Variants in TLE1 observed in about 807,000 individuals in gnomAD.
TLE1 encodes the protein TLE family member 1, transcriptional corepressor, also known as transducin-like enhancer protein 1.
TLE1 carries 21 observed loss-of-function variants against 89.8 expected under a neutral mutation model. That is an observed-to-expected ratio of 0.23 (90% confidence interval 0.17 to 0.34). TLE1 has a LOEUF of 0.34. TLE1 is among the 10% of genes least tolerant of loss of function. TLE1 has a pLI of 1.00. For missense variants in TLE1, 795 were observed against 1,031.2 expected (o/e 0.77, Z 3.14); for synonymous variants, 447 against 407.6 (o/e 1.10, Z -1.16).
chr9:81,636,109 G>A (rs1827325469), intron 6 of TLE1, among the ~76,000 whole-genome samples: 2 of 152,122 alleles, frequency 1.3e-5, no homozygotes, highest in Admixed American at 1.3e-4. Context: ...AGGGGATGAG[G>A]TCAGAACAGG....
At chr9:81,604,628 G>A (rs1463372980) in intron 14 of TLE1, among the ~76,000 whole-genome samples, 3 of 152,234 alleles carry the variant, frequency 2.0e-5, no homozygotes, top group South Asian at 2.1e-4. Context: ...GGACACGCAC[G>A]GTCAGAGGCA....
intron 14 of TLE1, among the ~76,000 whole-genome samples, chr9:81,609,731 C>A (rs1823456943): frequency 6.6e-6 from 1 of 152,128 alleles, no homozygotes; most frequent in Admixed American, 6.5e-5. Flanking sequence ...TCCAACACAA[C>A]CTACCCTTCA....
chr9:81,601,912 T>C (rs1242171689), intron 14 of TLE1, among the ~76,000 whole-genome samples: 2 of 152,182 alleles, frequency 1.3e-5, no homozygotes, highest in Non-Finnish European at 2.9e-5. Context: ...CCTGGGTATC[T>C]ATGCTCAAGG....
chr9:81,644,103 G>A (rs1457081331), intron 6 of TLE1, among the ~76,000 whole-genome samples: 2 of 152,216 alleles, frequency 1.3e-5, no homozygotes, highest in African/African-American at 2.4e-5. Flanking sequence ...AAATGCCAGA[G>A]ATCATGTAGA....
In TLE1 at chr9:81,685,784, T is replaced by C. The variant is rs1834192062; in HGVS notation, c.189+49A>G. The C allele has an allele frequency of 2.5e-6, 4 of 1,612,488 alleles. No homozygotes were observed. The Admixed American group carries it at 6.7e-5, about 27-fold the overall frequency. On this transcript the variant is annotated intron_variant, in intron 3 of 19. Transcript: ENST00000376499. Reference sequence around the variant, plus strand: ...ATGTTTTTTACACTCTGCTAACACGTTTGCTAATATCATATGAAAAAGGAA... The same window carrying C: ...ATGTTTTTTACACTCTGCTAACACGCTTGCTAATATCATATGAAAAAGGAA...
chr9:81,611,892 G>T lies in TLE1; in HGVS notation c.1131C>A (p.His377Gln). 1 of 1,538,864 alleles carries T rather than the reference G, an allele frequency of 6.5e-7. No individual in the cohort carries two copies. The highest frequency in any genetic ancestry group is 8.7e-7 in the Non-Finnish European group (1 of 1,146,710). ...TGGTCAGCTCGCCGTTCATGCCAGC[G>T]TGGGGGACCATCCCAAAAGGAGCAG... is the stretch of plus-strand genomic sequence containing the variant. ...PYPAPFGMVP[H>Q]AGMNGELTSP... Residue 377 changes from histidine to glutamine, a missense_variant, in exon 13 of 20, where the codon CAC becomes CAA. This residue lies in a region of TLE1 where 468 missense variants were observed against 509.1 expected (regional missense o/e 0.92). Transcript: ENST00000376499.
chr9:81,598,403 C>G (rs1168234643), intron 14 of TLE1, among the ~76,000 whole-genome samples: 1 of 152,164 alleles, frequency 6.6e-6, no homozygotes. Flanking sequence ...CTTGATGATT[C>G]TTTCCCAGGG....
At chr9:81,633,307 GTGTGTGT>G (rs749637636) in intron 8 of TLE1, 34 bp downstream of exon 8, 2 of 1,605,104 alleles carry the variant, frequency 1.2e-6, no homozygotes, top group Non-Finnish European at 1.7e-6. Flanking sequence ...GTGTGTGTGT[GTGTGTGT>G]GTGTGTGTGT....
intron 6 of TLE1, among the ~76,000 whole-genome samples, chr9:81,640,465 T>C (rs28481611): frequency 0.024 from 3,661 of 152,114 alleles, 165 homozygotes; most frequent in African/African-American, 0.084. Flanking sequence ...AAATTTTACA[T>C]ACTGGTGTTC....
chr9:81,588,106 C>G (rs1828864469), intron 16 of TLE1, among the ~76,000 whole-genome samples: 1 of 152,154 alleles, frequency 6.6e-6, no homozygotes, highest in African/African-American at 2.4e-5. Context: ...ATATGCTACT[C>G]TGACAAAACC....
At chr9:81,608,096 A>T (rs1183945137) in intron 14 of TLE1, among the ~76,000 whole-genome samples, 2 of 152,256 alleles carry the variant, frequency 1.3e-5, no homozygotes, top group African/African-American at 4.8e-5. Flanking sequence ...ATGACCGGGC[A>T]GCTGAGTGGA....
rs571085615 is a variant in TLE1, at chr9:81,679,982, T to C, written c.234+5694A>G. Among the ~76,000 whole-genome samples the C allele has an allele frequency of 1.4e-4, 21 of 152,296 alleles. No individual in the cohort carries two copies. The South Asian group carries it at 4.4e-3, about 32-fold the overall frequency. On this transcript the variant is annotated intron_variant, in intron 4 of 19. Transcript: ENST00000376499. ...CCACTCAAGATGATTTATTTAAATA[T>C]TTACTAAAGAAACAGATTTTCTTTC...
At chr9:81,636,912 A>G (rs981090327) in intron 6 of TLE1, among the ~76,000 whole-genome samples, 2 of 151,620 alleles carry the variant, frequency 1.3e-5, no homozygotes. Flanking sequence ...CTGAGGCAGG[A>G]GAATCATTTG....
At chr9:81,644,069 C>T (rs149820077) in intron 6 of TLE1, among the ~76,000 whole-genome samples, 3 of 152,142 alleles carry the variant, frequency 2.0e-5, no homozygotes, top group South Asian at 4.1e-4. Context: ...CATTAGGATG[C>T]GGAGAATAAA....
chr9:81,641,914 C>G (rs1300452740), intron 6 of TLE1, among the ~76,000 whole-genome samples: 3 of 152,110 alleles, frequency 2.0e-5, no homozygotes, highest in Non-Finnish European at 4.4e-5. Flanking sequence ...CCCAGCTACT[C>G]AGGAGGTTGA....
chr9:81,610,249 T>A lies in TLE1; in HGVS notation c.1302A>T (p.Pro434=). 2 of 1,614,050 alleles carry A rather than the reference T, an allele frequency of 1.2e-6. No homozygotes were observed. The highest frequency in any genetic ancestry group is 1.7e-6 in the Non-Finnish European group (2 of 1,180,006). Residue 434 remains proline (P), a synonymous_variant, in exon 14 of 20, where the codon CCA becomes CCT. Coordinates refer to ENST00000376499, the MANE Select transcript of TLE1 (RefSeq NM_005077.5). ...TCCCCCCAGGGATTCCTGCCAGGTT[T>A]GGAGGAATGGTAGGTACTCTCATGT... is the stretch of plus-strand genomic sequence containing the variant. ...PPHMRVPTIP[P]NLAGIPGGKP... is the part of the protein sequence containing the mutation.
At chr9:81,663,708 T>C (rs968418601) in intron 4 of TLE1, among the ~76,000 whole-genome samples, 1 of 151,116 alleles carries the variant, frequency 6.6e-6, no homozygotes, top group African/African-American at 2.4e-5. Flanking sequence ...CTGCAAGCTC[T>C]GCCTCCCGGG....
Position 81,597,169 on chromosome 9 carries a change from G to T in TLE1, c.1332-3895C>A, listed in dbSNP as rs138469276. The stretch of plus-strand genomic sequence containing the variant: ...TAATAATAAAACACAGAGGTCGCAG[G>T]GGTTGCTGTAAGGATTAAAGTGGTA... On this transcript the variant is annotated intron_variant, in intron 14 of 19. Transcript: ENST00000376499. Among the ~76,000 whole-genome samples, 277 of 152,160 alleles carry T rather than the reference G, an allele frequency of 1.8e-3. 12 individuals are homozygous for T. The East Asian group carries it at 0.045, about 25-fold the overall frequency.
In TLE1 at chr9:81,613,416, C is replaced by A. The variant is rs376454144; in HGVS notation, c.1024G>T (p.Gly342Cys). 1 of 1,614,102 alleles carries A rather than the reference C, an allele frequency of 6.2e-7. No individual in the cohort carries two copies. The highest frequency in any genetic ancestry group is 8.5e-7 in the Non-Finnish European group (1 of 1,179,978). Residue 342 changes from glycine (G) to cysteine (C), a missense_variant, in exon 12 of 20, where the codon GGC becomes TGC. Around this residue, in one of 4 missense-constraint regions of TLE1, gnomAD observed 468 missense variants for 509.1 expected, o/e 0.92. Coordinates refer to ENST00000376499, the MANE Select transcript of TLE1 (RefSeq NM_005077.5). ...SATPGLRPGL[G>C]KPPAIDPLVN... Reference sequence around the variant, plus strand: ...AGGGGGTCTATGGCTGGAGGCTTGCCGAGACCTGGACGGAGGCCTGGAGTG... The same window carrying A: ...AGGGGGTCTATGGCTGGAGGCTTGCAGAGACCTGGACGGAGGCCTGGAGTG...
Sources: gnomAD v4.1 joint callset for allele counts (sites outside exome capture counted in the v4.1 genomes callset) on GRCh38, gnomAD v4.1.1 for gene constraint, gnomAD v4.1.1 regional missense constraint, MANE v1.5 for transcripts, NCBI Gene and HGNC (gene_info 2026-07-23, HGNC 2026-07-21) for gene names.